SLC9C2: variants seen among roughly 807,000 people sequenced by gnomAD.
SLC9C2 encodes the protein solute carrier family 9 member C2 (putative).
A neutral mutation model predicts 140.2 loss-of-function variants in SLC9C2; 75 were observed. That is an observed-to-expected ratio of 0.53 (90% CI 0.44 to 0.65). The LOEUF is 0.65. SLC9C2 is among the 30% of genes least tolerant of loss of function. The pLI is 0.00. For missense variants in SLC9C2, 1,074 were observed against 1,331.8 expected, an observed-to-expected ratio of 0.81 and a Z score of 3.01; for synonymous variants, 375 against 420.9, an observed-to-expected ratio of 0.89 and a Z score of 1.34.
intron 13 of SLC9C2, among the ~76,000 whole-genome samples, chr1:173,545,324 A>T (rs1289725608): frequency 6.6e-6 from 1 of 152,076 alleles, no homozygotes; most frequent in Non-Finnish European, 1.5e-5. Context: ...ATATAAATAA[A>T]CCTCCCAGTT....
intron 3 of SLC9C2, among the ~76,000 whole-genome samples, chr1:173,599,362 ATTTTTTTTTTTTTTTT>A (rs61579339): frequency 4.6e-4 from 31 of 68,126 alleles, no homozygotes; most frequent in African/African-American, 1.3e-3. Context: ...ATTTTCCTTG[ATTTTTTTTTTTTTTTT>A]TTTTTTTTTT....
At chr1:173,511,029 C>CTTTTTTTTTTTTTTTTTTTTTTTTT (rs71111066) in intron 23 of SLC9C2, among the ~76,000 whole-genome samples, 1 of 86,738 alleles carries the variant, frequency 1.2e-5, no homozygotes, top group Non-Finnish European at 2.0e-5. Context: ...CTTTCTTTTC[C>CTTTTTTTTTTTTTTTTTTTTTTTTT]TTTTTTTTTT....
At chr1:173,564,925 C>T (rs1664363477) in intron 9 of SLC9C2, among the ~76,000 whole-genome samples, 1 of 151,004 alleles carries the variant, frequency 6.6e-6, no homozygotes, top group Non-Finnish European at 1.5e-5. Flanking sequence ...GCGTGAGCCA[C>T]CGTGCCTGGC....
chr1:173,582,963 T>A lies in SLC9C2; in HGVS notation c.640+543A>T, dbSNP rs927988077. ...TATGTGTCTATTGTGACACTATATGTGTGCACACATGCATTTATGCATATT... is the reference window on the plus strand; with the variant it reads ...TATGTGTCTATTGTGACACTATATGAGTGCACACATGCATTTATGCATATT... On this transcript the variant is annotated intron_variant, in intron 6 of 27. Coordinates refer to ENST00000367714, the MANE Select transcript of SLC9C2 (RefSeq NM_178527.4). Among the ~76,000 whole-genome samples the A allele has an allele frequency of 3.3e-5, 5 of 152,352 alleles. No individual in the cohort carries two copies. The East Asian group carries it at 9.6e-4, about 29-fold the overall frequency.
chr1:173,535,847 T>C lies in SLC9C2; in HGVS notation c.1758A>G (p.Ile586Met). The change falls in exon 15 of 28, where the codon ATA becomes ATG. Residue 586 changes from isoleucine to methionine, a missense_variant. Ile to Met is a conservative substitution (Grantham distance 10). Coordinates refer to ENST00000367714, the MANE Select transcript of SLC9C2 (RefSeq NM_178527.4). ...LTFLEYCIEK[I>M]HFIPPESNTF... ...ATACTTACTCAGGTGGAATAAAATGTATCTTTTCTATACAATATTCCAAGA... is the reference window on the plus strand; with the variant it reads ...ATACTTACTCAGGTGGAATAAAATGCATCTTTTCTATACAATATTCCAAGA... 6.6e-7 allele frequency: 1 copy of C among 1,512,214 alleles called. No individual in the cohort carries two copies. Among genetic ancestry groups the C allele is most frequent in the Non-Finnish European group, 8.9e-7 (1 of 1,121,974 alleles). 93.7% of individuals were successfully genotyped at this position (1,512,214 alleles called of 1,614,324 possible). A position where few individuals can be genotyped will look rare whatever the true frequency, so the allele number is the denominator to read the frequency against.
chr1:173,546,991 G>A (rs1034601499), intron 13 of SLC9C2, among the ~76,000 whole-genome samples: 1 of 152,124 alleles, frequency 6.6e-6, no homozygotes, highest in Non-Finnish European at 1.5e-5. Context: ...AAGGTTGGGT[G>A]ATGGGTACAT....
intron 11 of SLC9C2, among the ~76,000 whole-genome samples, chr1:173,551,434 T>C (rs1225284420): frequency 6.6e-6 from 1 of 152,218 alleles, no homozygotes; most frequent in Non-Finnish European, 1.5e-5. Flanking sequence ...TTATTGTGCT[T>C]TGCAGATATT....
chr1:173,573,974 G>A (rs1397228765), intron 8 of SLC9C2, among the ~76,000 whole-genome samples: 1 of 152,194 alleles, frequency 6.6e-6, no homozygotes, highest in African/African-American at 2.4e-5. Flanking sequence ...GAAAGCATTA[G>A]AATCACCCAG....
chr1:173,539,290 T>C (rs1008920938), intron 13 of SLC9C2, among the ~76,000 whole-genome samples: 1 of 152,158 alleles, frequency 6.6e-6, no homozygotes, highest in Non-Finnish European at 1.5e-5. Flanking sequence ...AATGGAAATA[T>C]TGGAGACAAG....
intron 11 of SLC9C2, 124 bp downstream of exon 11, chr1:173,554,609 A>C: frequency 1.5e-6 from 1 of 684,076 alleles, no homozygotes; most frequent in Non-Finnish European, 2.6e-6. Flanking sequence ...ATATGAATAA[A>C]TGAAAAATGA....
intron 13 of SLC9C2, among the ~76,000 whole-genome samples, chr1:173,538,395 A>G (rs1367270040): frequency 6.6e-6 from 1 of 152,194 alleles, no homozygotes; most frequent in Non-Finnish European, 1.5e-5. Flanking sequence ...TGATTTACTA[A>G]TATGATGGAT....
intron 11 of SLC9C2, among the ~76,000 whole-genome samples, chr1:173,552,242 A>G (rs979477474): frequency 5.9e-5 from 9 of 152,378 alleles, no homozygotes; most frequent in African/African-American, 1.9e-4. Flanking sequence ...AGTCATCTCC[A>G]TTACATAAAA....
chr1:173,557,058 C>A (rs1017474887), intron 10 of SLC9C2, among the ~76,000 whole-genome samples: 1 of 152,192 alleles, frequency 6.6e-6, no homozygotes, highest in African/African-American at 2.4e-5. Context: ...TGAAGCTCAG[C>A]AAGCCTGGGG....
intron 8 of SLC9C2, among the ~76,000 whole-genome samples, chr1:173,575,646 G>C (rs747136708): frequency 6.6e-6 from 1 of 152,034 alleles, no homozygotes; most frequent in African/African-American, 2.4e-5. Flanking sequence ...GTGCGAACTC[G>C]GCTCACTGCA....
At chr1:173,540,285 A>G (rs1050329982) in intron 13 of SLC9C2, among the ~76,000 whole-genome samples, 1 of 152,250 alleles carries the variant, frequency 6.6e-6, no homozygotes, top group African/African-American at 2.4e-5. Flanking sequence ...CACAGGCATA[A>G]GAGTGATCCA....
intron 4 of SLC9C2, among the ~76,000 whole-genome samples, chr1:173,593,802 G>A (rs1047696334): frequency 2.0e-5 from 3 of 152,028 alleles, no homozygotes; most frequent in African/African-American, 2.4e-5. Context: ...AATGGTAAAG[G>A]GTTCAATTCA....
chr1:173,602,469 C>A (rs1666845199), intron 1 of SLC9C2, among the ~76,000 whole-genome samples: 1 of 152,082 alleles, frequency 6.6e-6, no homozygotes. Context: ...AGGAAAAGAC[C>A]AAGGTTTGAT....
intron 4 of SLC9C2, among the ~76,000 whole-genome samples, chr1:173,590,215 C>T (rs1250496582): frequency 6.7e-6 from 1 of 149,420 alleles, no homozygotes; most frequent in Non-Finnish European, 1.5e-5. Context: ...GGCACTCCAG[C>T]CTGGGCAACA....
At chr1:173,597,790 A>G in intron 4 of SLC9C2, 114 bp downstream of exon 4, 1 of 1,151,282 alleles carries the variant, frequency 8.7e-7, no homozygotes, top group South Asian at 1.7e-5. Context: ...AAGAGGGCAA[A>G]ACAAATAAAA....
Sources: allele counts gnomAD v4.1 joint callset (sites outside exome capture counted in the v4.1 genomes callset), GRCh38; gene constraint gnomAD v4.1.1; transcripts MANE v1.5; gene names NCBI Gene and HGNC (gene_info 2026-07-23, HGNC 2026-07-21).